The following NTM variants were observed in gnomAD, a reference collection of about 807,000 sequenced individuals.
The protein encoded by NTM is IgLON family member 2.
NTM carries 13 observed loss-of-function variants against 42.1 expected under a neutral mutation model. That is an observed-to-expected ratio of 0.31 (90% confidence interval 0.20 to 0.49). NTM has a LOEUF of 0.49. NTM is among the 20% of genes least tolerant of loss of function. NTM has a pLI of 0.99. For synonymous variants in NTM, 187 were observed against 179.2 expected, an observed-to-expected ratio of 1.04 and a Z score of -0.35; for missense variants, 373 against 452.8, an observed-to-expected ratio of 0.82 and a Z score of 1.60.
At chr11:132,265,497 A>C (rs1398791484) in intron 4 of NTM, among the ~76,000 whole-genome samples, 1 of 152,184 alleles carries the variant, frequency 6.6e-6, no homozygotes, top group Non-Finnish European at 1.5e-5. Context: ...TCTGAACCTC[A>C]AACTGGTAGC....
At chr11:131,922,742 C>T (rs1482766465) in intron 2 of NTM, among the ~76,000 whole-genome samples, 6 of 152,180 alleles carry the variant, frequency 3.9e-5, no homozygotes, top group Non-Finnish European at 7.3e-5. Context: ...TGCCTGGCAG[C>T]CCCAGCTACC....
chr11:132,291,662 A>C (rs1026835114), intron 4 of NTM, among the ~76,000 whole-genome samples: 7 of 152,220 alleles, frequency 4.6e-5, no homozygotes, highest in Non-Finnish European at 1.5e-5. Context: ...CCTGAGGAGA[A>C]GCCAGGAAAG....
At chr11:131,996,914 A>C (rs2068159626) in intron 2 of NTM, among the ~76,000 whole-genome samples, 4 of 152,156 alleles carry the variant, frequency 2.6e-5, no homozygotes, top group Admixed American at 2.6e-4. Context: ...ACACTCCTGT[A>C]AATGGGAATT....
At position 132,120,108 on chromosome 11, in the gene NTM, A is replaced by ACAG. The variant is rs376116992; in HGVS notation, c.168-26172_168-26170dup. On this transcript the variant is annotated intron_variant, in intron 2 of 8. Transcript: ENST00000683400. ...TCCCTCCCAGTCACAGCTTGGTTCT[A>ACAG]CAGCTCGGCTGATGATTTTTTTTTT... 5.3e-3 allele frequency among the ~76,000 whole-genome samples: 757 copies of ACAG among 141,840 alleles called. 10 individuals carry two copies. The highest frequency in any genetic ancestry group is 0.02 in the African/African-American group (724 of 36,922). 93.1% of individuals were successfully genotyped at this position (141,840 alleles called of 152,430 possible). A position where few individuals can be genotyped will look rare whatever the true frequency, so the allele number is the denominator to read the frequency against.
At chr11:131,870,644 A>G (rs1305937200) in intron 1 of NTM, among the ~76,000 whole-genome samples, 1 of 152,126 alleles carries the variant, frequency 6.6e-6, no homozygotes, top group Non-Finnish European at 1.5e-5. Context: ...ATTCCCTTGA[A>G]TCTTAAGGGG....
At chr11:131,856,044 T>G (rs757628531) in intron 1 of NTM, among the ~76,000 whole-genome samples, 5 of 152,230 alleles carry the variant, frequency 3.3e-5, no homozygotes, top group Non-Finnish European at 5.9e-5. Flanking sequence ...ACTCCTGGAC[T>G]GATTAGACAG....
At chr11:131,874,035 A>AATATAATATAATAT (rs1488976376) in intron 1 of NTM, among the ~76,000 whole-genome samples, 6 of 17,762 alleles carry the variant, frequency 3.4e-4, no homozygotes, top group African/African-American at 8.0e-4. Flanking sequence ...AATATAATAT[A>AATATAATATAATAT]TATATATATA....
intron 1 of NTM, among the ~76,000 whole-genome samples, chr11:131,388,741 G>A (rs998985642): frequency 1.3e-5 from 2 of 151,758 alleles, no homozygotes; most frequent in African/African-American, 2.4e-5. Context: ...GCCTGGAGTG[G>A]TGGCTCCTGC....
intron 2 of NTM, among the ~76,000 whole-genome samples, chr11:131,960,838 A>G (rs900108484): frequency 6.6e-6 from 1 of 152,100 alleles, no homozygotes; most frequent in African/African-American, 2.4e-5. Context: ...ACCTTTTCCA[A>G]TTATTTTCTG....
At chr11:131,488,311 G>A (rs1954407812) in intron 1 of NTM, among the ~76,000 whole-genome samples, 1 of 152,146 alleles carries the variant, frequency 6.6e-6, no homozygotes. Context: ...GAGCTCAGCT[G>A]GGTCTGAAAC....
chr11:132,036,362 G>A (rs1272513820), intron 2 of NTM, among the ~76,000 whole-genome samples: 3 of 152,126 alleles, frequency 2.0e-5, no homozygotes, highest in Non-Finnish European at 4.4e-5. Flanking sequence ...GGGAAATTGG[G>A]TGTAAGGAAT....
At chr11:131,671,430 C>T in intron 1 of NTM, 1 of 985,458 alleles carries the variant, frequency 1.0e-6, no homozygotes, top group East Asian at 1.1e-4. Flanking sequence ...ACCACAGCTC[C>T]TGCTTGCCTG....
At chr11:132,029,493 A>T (rs2075642982) in intron 2 of NTM, among the ~76,000 whole-genome samples, 1 of 151,968 alleles carries the variant, frequency 6.6e-6, no homozygotes, top group Admixed American at 6.6e-5. Flanking sequence ...TTCCAGCTTC[A>T]TCCAAGAGTT....
intron 2 of NTM, among the ~76,000 whole-genome samples, chr11:132,004,311 T>C (rs1012163840): frequency 6.6e-6 from 1 of 152,192 alleles, no homozygotes; most frequent in Non-Finnish European, 1.5e-5. Context: ...CACTCCTGCC[T>C]TTAATCTCAT....
At chr11:131,972,689 G>T (rs118014728) in intron 2 of NTM, among the ~76,000 whole-genome samples, 2 of 152,074 alleles carry the variant, frequency 1.3e-5, no homozygotes, top group Admixed American at 1.3e-4. Context: ...TGGAACCCCC[G>T]CATAATGTGG....
At chr11:131,713,453 C>T (rs1321910804) in intron 1 of NTM, among the ~76,000 whole-genome samples, 2 of 152,154 alleles carry the variant, frequency 1.3e-5, no homozygotes, top group Non-Finnish European at 2.9e-5. Flanking sequence ...TTCTTGCCAC[C>T]AGGAGCAATT....
chr11:131,996,306 C>T (rs1396042590), intron 2 of NTM, among the ~76,000 whole-genome samples: 1 of 152,106 alleles, frequency 6.6e-6, no homozygotes, highest in Non-Finnish European at 1.5e-5. Flanking sequence ...CTCCCCTGCA[C>T]CTGCCATACC....
rs904804576 is a variant in NTM, at chr11:131,636,405, G to T, written c.82+265517G>T. Among the ~76,000 whole-genome samples the T allele has an allele frequency of 1.7e-4, 26 of 152,306 alleles. 2 individuals carry two copies. Among genetic ancestry groups the T allele is most frequent in the African/African-American group, 6.0e-4 (25 of 41,560 alleles). ...CTCAGGCCCAGCGTTCCTCCCTGCG[G>T]AACCCTCGGAAACCAAATGAGCTCT... On this transcript the variant is annotated intron_variant, in intron 1 of 8. Transcript: ENST00000683400.
At chr11:131,718,291 T>C (rs1056201809) in intron 1 of NTM, among the ~76,000 whole-genome samples, 2 of 152,236 alleles carry the variant, frequency 1.3e-5, no homozygotes, top group African/African-American at 4.8e-5. Flanking sequence ...CTGATATGAT[T>C]TCTTCCTTCA....
Sources: allele counts gnomAD v4.1 joint callset (sites outside exome capture counted in the v4.1 genomes callset), GRCh38; gene constraint gnomAD v4.1.1; transcripts MANE v1.5; gene names NCBI Gene and HGNC (gene_info 2026-07-23, HGNC 2026-07-21).